SPMIP8: variants seen among roughly 807,000 people sequenced by gnomAD.
SPMIP8 encodes sperm microtubule inner protein 8.
At chr16:57,985,813 A>G in the SPMIP8 span, 6 of 1,469,856 alleles carry the variant, frequency 4.1e-6, no homozygotes, top group African/African-American at 8.4e-5. Context: ...TTCAGGAGGG[A>G]TGGCGGGGAG....
chr16:57,981,390 A>AT, the SPMIP8 span, among the ~76,000 whole-genome samples: 691 of 62,736 alleles, frequency 0.011, 8 homozygotes, highest in East Asian at 0.028. Context: ...AATAATAATA[A>AT]TAATTATTAT....
chr16:57,984,958 G>C, the SPMIP8 span: 1 of 1,229,824 alleles, frequency 8.1e-7, no homozygotes, highest in African/African-American at 1.5e-5. Flanking sequence ...CTTGCGGTGG[G>C]TGGAGCCGAG....
the SPMIP8 span, among the ~76,000 whole-genome samples, chr16:57,983,625 A>G: frequency 1.3e-5 from 2 of 151,638 alleles, no homozygotes; most frequent in African/African-American, 4.8e-5. Flanking sequence ...TTAAAAAAAA[A>G]TTTTTTAAGA....
At chr16:57,978,116 GAA>G in the SPMIP8 span, 1 of 1,485,826 alleles carries the variant, frequency 6.7e-7, no homozygotes, top group East Asian at 2.5e-5. Flanking sequence ...ATGCAAGGAT[GAA>G]AGAGGCCAGT....
the SPMIP8 span, chr16:57,986,006 C>G: frequency 6.5e-7 from 1 of 1,532,454 alleles, no homozygotes; most frequent in Non-Finnish European, 8.8e-7. Context: ...TGGGGACAGC[C>G]TCGGGGCTCC....
the SPMIP8 span, chr16:57,986,381 T>C: frequency 6.4e-6 from 1 of 157,132 alleles, no homozygotes; most frequent in Non-Finnish European, 1.4e-5. Flanking sequence ...ATCTCCAAGA[T>C]AAGCACCTCT....
At chr16:57,985,502 C>T in the SPMIP8 span, 1 of 1,613,298 alleles carries the variant, frequency 6.2e-7, no homozygotes, top group Non-Finnish European at 8.5e-7. Flanking sequence ...GCCAGAACCC[C>T]AGCCTGGACC....
the SPMIP8 span, among the ~76,000 whole-genome samples, chr16:57,979,952 C>T: frequency 6.6e-6 from 1 of 152,124 alleles, no homozygotes; most frequent in African/African-American, 2.4e-5. Context: ...CCTGTAATCC[C>T]AGCTCCCAGG....
chr16:57,980,761 C>T, the SPMIP8 span, among the ~76,000 whole-genome samples: 2 of 152,182 alleles, frequency 1.3e-5, no homozygotes, highest in African/African-American at 2.4e-5. Flanking sequence ...ATGTCAAAAA[C>T]ATGGCTCTTT....
chr16:57,981,661 G>A, the SPMIP8 span, among the ~76,000 whole-genome samples: 12 of 151,124 alleles, frequency 7.9e-5, no homozygotes, highest in African/African-American at 9.7e-5. Flanking sequence ...GACTACAGGC[G>A]TGTGCCACTA....
At chr16:57,986,061 A>AG in the SPMIP8 span, 1 of 1,319,420 alleles carries the variant, frequency 7.6e-7, no homozygotes, top group Non-Finnish European at 1.0e-6. Flanking sequence ...GGCGAGGAGG[A>AG]GGGGCCCTCC....
chr16:57,976,608 G>A, the SPMIP8 span: 1 of 1,614,040 alleles, frequency 6.2e-7, no homozygotes, highest in Admixed American at 1.7e-5. Context: ...CTGGGCCTGG[G>A]CCCTACAGAT....
At chr16:57,983,758 C>T in the SPMIP8 span, among the ~76,000 whole-genome samples, 4 of 152,258 alleles carry the variant, frequency 2.6e-5, no homozygotes, top group South Asian at 2.1e-4. Context: ...ACTACAGTCG[C>T]GTGCCACCAC....
chr16:57,985,212 G>C, the SPMIP8 span: 1 of 1,539,850 alleles, frequency 6.5e-7, no homozygotes, highest in Non-Finnish European at 8.7e-7. Context: ...GCAGCGGAGG[G>C]TCTCAGCGGC....
At chr16:57,976,715 C>A in the SPMIP8 span, 4 of 1,547,484 alleles carry the variant, frequency 2.6e-6, no homozygotes, top group Non-Finnish European at 3.5e-6. Context: ...CAGTCACATC[C>A]CCTAAGGCAG....
chr16:57,977,810 C>T, the SPMIP8 span: 3 of 1,609,848 alleles, frequency 1.9e-6, no homozygotes, highest in Admixed American at 1.7e-5. Context: ...CCCTCTGCCC[C>T]CCAGCTATGG....
the SPMIP8 span, chr16:57,978,042 T>C: frequency 6.2e-7 from 1 of 1,612,588 alleles, no homozygotes; most frequent in Non-Finnish European, 8.5e-7. Flanking sequence ...CCGCAAAGGT[T>C]AGGACACCAG....
At chr16:57,982,935 C>T in the SPMIP8 span, among the ~76,000 whole-genome samples, 3 of 152,070 alleles carry the variant, frequency 2.0e-5, no homozygotes, top group Non-Finnish European at 4.4e-5. Flanking sequence ...GAGGCTGAGG[C>T]GTGAGAATCG....
At chr16:57,977,750 T>C in the SPMIP8 span, 1 of 1,539,560 alleles carries the variant, frequency 6.5e-7, no homozygotes, top group Non-Finnish European at 8.9e-7. Context: ...GTTGTTTTCA[T>C]GCAGAGAAGG....
Sources: allele counts gnomAD v4.1 joint callset (sites outside exome capture counted in the v4.1 genomes callset), GRCh38; gene constraint gnomAD v4.1.1; transcripts MANE v1.5; gene names NCBI Gene and HGNC (gene_info 2026-07-23, HGNC 2026-07-21).